SEMA6D: variants seen among roughly 807,000 people sequenced by gnomAD.
SEMA6D encodes semaphorin 6D.
Under a neutral mutation model 106.6 loss-of-function variants are expected in SEMA6D, and 35 were observed. That is an observed-to-expected ratio of 0.33 (90% CI 0.25 to 0.44). SEMA6D has a LOEUF of 0.44. Among genes scored for constraint, SEMA6D ranks in the 20% least tolerant of loss-of-function variants. The pLI, the probability that SEMA6D is intolerant of heterozygous loss-of-function variation, is 1.00. For missense variants in SEMA6D, 1,185 were observed against 1,345.9 expected (o/e 0.88, Z 1.87); for synonymous variants, 499 against 487.7 (o/e 1.02, Z -0.31).
chr15:47,526,660 A>G (rs1205777189), intron 3 of SEMA6D, among the ~76,000 whole-genome samples: 13 of 152,006 alleles, frequency 8.6e-5, no homozygotes, highest in Non-Finnish European at 1.9e-4. Flanking sequence ...GAAATGGTTT[A>G]TGTTTGCTTG....
At position 47,767,040 on chromosome 15, in the gene SEMA6D, T is replaced by C; in HGVS notation, c.1712T>C (p.Ile571Thr). The C allele has an allele frequency of 6.4e-7, 1 of 1,556,344 alleles. No individual in the cohort carries two copies. Among genetic ancestry groups the C allele is most frequent in the South Asian group, 1.2e-5 (1 of 80,474 alleles). ...NTAHLGDCHE[I>T]LPTSTTPDYK... ...CTTGTTCCTTTAATTCTTTTAGAAA[T>C]TTTGCCTACTTCAACTACACCAGAT... The change falls in exon 17 of 19, where the codon ATT (isoleucine) becomes ACT (threonine). Residue 571 changes from isoleucine (I) to threonine (T), a missense_variant. Physicochemically the swap from Ile to Thr is moderately conservative, Grantham distance 89 (BLOSUM62 -1). Transcript: ENST00000536845.
intron 3 of SEMA6D, among the ~76,000 whole-genome samples, chr15:47,473,991 G>A (rs940438890): frequency 6.6e-6 from 1 of 152,154 alleles, no homozygotes; most frequent in Non-Finnish European, 1.5e-5. Context: ...CTGGCCAGGG[G>A]AGCCGGAAGC....
intron 3 of SEMA6D, among the ~76,000 whole-genome samples, chr15:47,571,358 T>C (rs1362128530): frequency 1.3e-5 from 2 of 152,236 alleles, no homozygotes; most frequent in Non-Finnish European, 2.9e-5. Flanking sequence ...TGGAATTTAT[T>C]CAAGTGGCTG....
Position 47,702,564 on chromosome 15 carries a change from A to G in SEMA6D, c.-54-57181A>G, listed in dbSNP as rs147055632. On this transcript the variant is annotated intron_variant, in intron 4 of 19. Coordinates refer to the SEMA6D transcript ENST00000558014. ...AACTTATGTCCACGCAAAAACTTGT[A>G]TATGGATATTTATACAGCTTTGCTT... Among the ~76,000 whole-genome samples, 901 of 152,374 alleles carry G rather than the reference A, an allele frequency of 5.9e-3. 7 individuals carry two copies. Among genetic ancestry groups the G allele is most frequent in the Middle Eastern group, 0.01 (3 of 294 alleles).
chr15:47,612,823 A>G (rs1315530065), intron 4 of SEMA6D, among the ~76,000 whole-genome samples: 6 of 152,136 alleles, frequency 3.9e-5, no homozygotes, highest in Admixed American at 2.0e-4. Flanking sequence ...GAGTTATTAT[A>G]AATGAAATGA....
At chr15:47,611,258 G>C (rs1346864103) in intron 4 of SEMA6D, among the ~76,000 whole-genome samples, 2 of 151,960 alleles carry the variant, frequency 1.3e-5, no homozygotes, top group Non-Finnish European at 2.9e-5. Flanking sequence ...ACAGATACCA[G>C]TCTTTACATT....
chr15:47,405,948 C>T (rs1043418820), intron 1 of SEMA6D, among the ~76,000 whole-genome samples: 54 of 152,188 alleles, frequency 3.5e-4, no homozygotes, highest in African/African-American at 1.3e-3. Flanking sequence ...GCCACATGCC[C>T]TACAGCGATT....
chr15:47,289,738 C>G (rs1352951283), intron 1 of SEMA6D, among the ~76,000 whole-genome samples: 1 of 151,928 alleles, frequency 6.6e-6, no homozygotes, highest in Non-Finnish European at 1.5e-5. Flanking sequence ...AGAAAAAAAT[C>G]ACAGAGGTGG....
At chr15:47,762,717 G>T (rs1018026248) in intron 8 of SEMA6D, among the ~76,000 whole-genome samples, 1 of 152,186 alleles carries the variant, frequency 6.6e-6, no homozygotes, top group African/African-American at 2.4e-5. Context: ...TATTTTCAGT[G>T]TAAGAGGTTT....
chr15:47,295,422 G>A (rs2035766489), intron 1 of SEMA6D, among the ~76,000 whole-genome samples: 2 of 152,162 alleles, frequency 1.3e-5, no homozygotes, highest in African/African-American at 4.8e-5. Context: ...AATTAACAGT[G>A]GGTTAGCATG....
At chr15:47,388,995 A>G (rs2039938138) in intron 1 of SEMA6D, among the ~76,000 whole-genome samples, 1 of 151,170 alleles carries the variant, frequency 6.6e-6, no homozygotes, top group Non-Finnish European at 1.5e-5. Context: ...AAGCATAAGG[A>G]TTATTTGGTG....
chr15:47,371,989 G>A (rs2039289536), intron 1 of SEMA6D, among the ~76,000 whole-genome samples: 1 of 152,182 alleles, frequency 6.6e-6, no homozygotes, highest in Admixed American at 6.5e-5. Flanking sequence ...GTTAGTAGTT[G>A]AAGTCAATGT....
intron 1 of SEMA6D, among the ~76,000 whole-genome samples, chr15:47,337,490 G>A (rs2037614343): frequency 6.6e-6 from 1 of 152,086 alleles, no homozygotes; most frequent in African/African-American, 2.4e-5. Flanking sequence ...CCCAATGGAA[G>A]ATGAAAATGC....
At chr15:47,437,076 A>G (rs1278260575) in intron 2 of SEMA6D, among the ~76,000 whole-genome samples, 1 of 150,640 alleles carries the variant, frequency 6.6e-6, no homozygotes, top group Non-Finnish European at 1.5e-5. Context: ...GGGAGGGGAG[A>G]TAGAAGAGAG....
At chr15:47,290,423 G>A (rs572449490) in intron 1 of SEMA6D, among the ~76,000 whole-genome samples, 1 of 152,286 alleles carries the variant, frequency 6.6e-6, no homozygotes, top group South Asian at 2.1e-4. Context: ...GAAACTGGGA[G>A]ATGAAGAATT....
At chr15:47,661,832 G>A (rs2077926137) in intron 4 of SEMA6D, among the ~76,000 whole-genome samples, 3 of 152,182 alleles carry the variant, frequency 2.0e-5, no homozygotes, top group African/African-American at 7.2e-5. Flanking sequence ...AAAAAGCAAT[G>A]CTAACACAGG....
intron 3 of SEMA6D, among the ~76,000 whole-genome samples, chr15:47,519,082 C>T (rs1320077587): frequency 3.3e-5 from 5 of 151,056 alleles, no homozygotes; most frequent in Admixed American, 1.3e-4. Context: ...AAAAAATTAG[C>T]CAGGCATGGT....
At chr15:47,184,562 G>C (rs1053307065) in intron 1 of SEMA6D, 1 of 152,230 alleles carries the variant, frequency 6.6e-6, no homozygotes, top group African/African-American at 2.4e-5. Flanking sequence ...CTCCCGGCGC[G>C]CCGCGGCCGG....
intron 1 of SEMA6D, among the ~76,000 whole-genome samples, chr15:47,290,871 G>A (rs2035567669): frequency 6.6e-6 from 1 of 152,192 alleles, no homozygotes; most frequent in African/African-American, 2.4e-5. Context: ...TATTGCATGA[G>A]GTTATTTAAG....
Sources: allele counts gnomAD v4.1 joint callset (sites outside exome capture counted in the v4.1 genomes callset), GRCh38; gene constraint gnomAD v4.1.1; transcripts MANE v1.5; gene names NCBI Gene and HGNC (gene_info 2026-07-23, HGNC 2026-07-21).